RBFOX3: variants seen among roughly 807,000 people sequenced by gnomAD.
RBFOX3 encodes RNA binding fox-1 homolog 3, also known as RNA binding protein fox-1 homolog 3.
RBFOX3 carries 17 observed loss-of-function variants against 48.7 expected under a neutral mutation model. The observed-to-expected ratio is 0.35, with a 90% CI of 0.24 to 0.52. RBFOX3 has a LOEUF of 0.52. Among genes scored for constraint, RBFOX3 ranks in the 20% least tolerant of loss-of-function variants. The pLI is 0.94. For synonymous variants in RBFOX3, 212 were observed against 209.5 expected (o/e 1.01, Z -0.10); for missense variants, 382 against 497.5 (o/e 0.77, Z 2.21).
intron 4 of RBFOX3, among the ~76,000 whole-genome samples, chr17:79,227,331 C>T (rs2060425390): frequency 6.6e-6 from 1 of 152,212 alleles, no homozygotes; most frequent in Admixed American, 6.5e-5. Context: ...CCCTTTTCCT[C>T]CTGGGCTGGT....
intron 2 of RBFOX3, among the ~76,000 whole-genome samples, chr17:79,350,605 C>T (rs1418067399): frequency 6.6e-6 from 1 of 152,196 alleles, no homozygotes; most frequent in African/African-American, 2.4e-5. Context: ...TCATGGAAGG[C>T]AGGCATGGCT....
rs1019182091 is a variant in RBFOX3 at position 79,242,327 on chromosome 17, C to G, written c.-73-6522G>C. On this transcript the variant is annotated intron_variant, in intron 3 of 14. Coordinates refer to ENST00000693108, the MANE Select transcript of RBFOX3 (RefSeq NM_001350451.2). This position sits in a 1 kb window ranked among gnomAD's most constrained non-coding sequence, Gnocchi z 5.8. ...GTTACTTCAGATTTTATGAAACGAT[C>G]TGTTTGTGCTCTTTCCCTAAGGGGA... 9.2e-5 allele frequency among the ~76,000 whole-genome samples: 14 copies of G among 151,982 alleles called. No homozygotes were observed. The highest frequency in any genetic ancestry group is 3.4e-4 in the African/African-American group (14 of 41,378).
chr17:79,417,132 G>A (rs1253385924), intron 2 of RBFOX3, among the ~76,000 whole-genome samples: 3 of 152,232 alleles, frequency 2.0e-5, no homozygotes, highest in Non-Finnish European at 4.4e-5. Flanking sequence ...CAGGATGGCA[G>A]GAAAGGGGAG....
At chr17:79,430,269 C>CAAATAAAT (rs56370699) in intron 2 of RBFOX3, among the ~76,000 whole-genome samples, 29,579 of 143,738 alleles carry the variant, frequency 0.21, 3,203 homozygotes, top group Non-Finnish European at 0.23. Context: ...AAACATCTTC[C>CAAATAAAT]AAATAAATAA....
chr17:79,592,181 T>C (rs1361540208), intron 1 of RBFOX3, among the ~76,000 whole-genome samples: 1 of 146,292 alleles, frequency 6.8e-6, no homozygotes, highest in African/African-American at 2.6e-5. Context: ...GGGTGTGGAG[T>C]ACTGTCGTCG....
chr17:79,629,666 G>C, the RBFOX3 span, among the ~76,000 whole-genome samples: 211 of 152,242 alleles, frequency 1.4e-3, no homozygotes, highest in African/African-American at 4.8e-3. Context: ...AGAAACTCAG[G>C]AACAAACACA....
intron 1 of RBFOX3, among the ~76,000 whole-genome samples, chr17:79,488,728 A>C (rs1248742748): frequency 6.6e-6 from 1 of 152,232 alleles, no homozygotes; most frequent in Admixed American, 6.5e-5. Flanking sequence ...CCCTGCCCAA[A>C]GTGTCTTGGA....
chr17:79,564,899 G>A (rs2092395175), intron 1 of RBFOX3, among the ~76,000 whole-genome samples: 1 of 151,898 alleles, frequency 6.6e-6, no homozygotes, highest in Non-Finnish European at 1.5e-5. Context: ...AAATTAGCCG[G>A]GCGTGCTGGC....
At chr17:79,608,580 G>A (rs1471823223) in intron 1 of RBFOX3, among the ~76,000 whole-genome samples, 6 of 152,156 alleles carry the variant, frequency 3.9e-5, no homozygotes, top group African/African-American at 1.4e-4. Context: ...CCTGCCGCAC[G>A]CACGCAGCCA....
intron 4 of RBFOX3, among the ~76,000 whole-genome samples, chr17:79,115,999 C>T (rs979862994): frequency 6.6e-6 from 1 of 152,198 alleles, no homozygotes; most frequent in Non-Finnish European, 1.5e-5. Flanking sequence ...TCACACTTGT[C>T]AGACCTGGGT....
rs1036999469 is a variant in RBFOX3 at position 79,363,716 on chromosome 17, G to GCCC, written c.-174-55895_-174-55893dup. ...CAGGGACCTCCGACACGCCTCCAGAGCCCCCAACACCTCCAGAGCCCTCCA... is the reference window on the plus strand; with the variant it reads ...CAGGGACCTCCGACACGCCTCCAGAGCCCCCCCCAACACCTCCAGAGCCCTCCA... On this transcript the variant is annotated intron_variant, in intron 2 of 14. Coordinates refer to ENST00000693108, the MANE Select transcript of RBFOX3 (RefSeq NM_001350451.2). This position sits in a 1 kb window ranked among gnomAD's most constrained non-coding sequence, Gnocchi z 4.7. Among the ~76,000 whole-genome samples the GCCC allele has an allele frequency of 5.7e-4, 86 of 152,014 alleles. No individual in the cohort carries two copies. The highest frequency in any genetic ancestry group is 2.1e-3 in the African/African-American group (85 of 41,448).
intron 4 of RBFOX3, among the ~76,000 whole-genome samples, chr17:79,174,415 C>A (rs957982782): frequency 1.3e-5 from 2 of 151,858 alleles, no homozygotes; most frequent in African/African-American, 4.8e-5. Context: ...CAGACACGCA[C>A]ACATGCACTC....
intron 2 of RBFOX3, among the ~76,000 whole-genome samples, chr17:79,331,256 C>T (rs2080239652): frequency 6.6e-6 from 1 of 152,202 alleles, no homozygotes; most frequent in South Asian, 2.1e-4. Flanking sequence ...AGAAGCATTT[C>T]CCCTGCCGTT....
chr17:79,438,122 A>ACT (rs2069972458), intron 2 of RBFOX3, among the ~76,000 whole-genome samples: 1 of 150,806 alleles, frequency 6.6e-6, no homozygotes, highest in Non-Finnish European at 1.5e-5. Flanking sequence ...ACACACACAC[A>ACT]CGTCACCACC....
chr17:79,565,021 C>T (rs2092401227), intron 1 of RBFOX3, among the ~76,000 whole-genome samples: 1 of 123,486 alleles, frequency 8.1e-6, no homozygotes, highest in Admixed American at 1.0e-4. Flanking sequence ...GCCTGGGCAA[C>T]AGAGCGAGAC....
chr17:79,477,569 A>G lies in RBFOX3; in HGVS notation c.-175+4885T>C, dbSNP rs1438613916. 8.7e-5 allele frequency among the ~76,000 whole-genome samples: 13 copies of G among 149,866 alleles called. No homozygotes were observed. The highest frequency in any genetic ancestry group is 2.4e-4 in the African/African-American group (10 of 40,878). ...AAACTCCGTCACCGGAAAAAAAAAAAGAGGAGGAGGAGTAGGAAAAAAGGG... is the reference window on the plus strand; with the variant it reads ...AAACTCCGTCACCGGAAAAAAAAAAGGAGGAGGAGGAGTAGGAAAAAAGGG... On this transcript the variant is annotated intron_variant, in intron 2 of 14. Transcript: ENST00000693108. This position sits in a 1 kb window ranked among gnomAD's most constrained non-coding sequence, Gnocchi z 4.8.
chr17:79,120,965 C>A (rs546368830), intron 4 of RBFOX3, among the ~76,000 whole-genome samples: 1 of 152,176 alleles, frequency 6.6e-6, no homozygotes, highest in East Asian at 1.9e-4. Context: ...AATCCATGAC[C>A]ACCCCCTGCC....
intron 1 of RBFOX3, among the ~76,000 whole-genome samples, chr17:79,548,857 T>C (rs1345107843): frequency 6.6e-6 from 1 of 152,236 alleles, no homozygotes; most frequent in Non-Finnish European, 1.5e-5. Flanking sequence ...TGGCATTTTA[T>C]TTTATCCTCA....
In RBFOX3 at chr17:79,256,815, G is replaced by C. The variant is rs562855411; in HGVS notation, c.-73-21010C>G. On this transcript the variant is annotated intron_variant, in intron 3 of 14. Coordinates refer to ENST00000693108, the MANE Select transcript of RBFOX3 (RefSeq NM_001350451.2). ...CGCACCTGAAATCCTATCTACTCGT[G>C]GGGGGCTGAGGCAGGAGAATCGCTT... Among the ~76,000 whole-genome samples the C allele has an allele frequency of 3.3e-5, 5 of 152,184 alleles. No individual in the cohort carries two copies. The South Asian group carries it at 6.2e-4, about 19-fold the overall frequency.
Sources: allele counts gnomAD v4.1 joint callset (sites outside exome capture counted in the v4.1 genomes callset), GRCh38; gene constraint gnomAD v4.1.1; non-coding constraint Gnocchi (gnomAD v3.1); transcripts MANE v1.5; gene names NCBI Gene and HGNC (gene_info 2026-07-23, HGNC 2026-07-21).